Variants in APAF1 observed in about 807,000 individuals in gnomAD.
The protein encoded by APAF1 is apoptotic peptidase activating factor 1, also known as apoptotic protease-activating factor 1.
In APAF1, 91 loss-of-function variants were observed where a neutral mutation model predicts 152.4. The ratio of observed to expected loss-of-function variants is 0.60; its 90% CI spans 0.50 to 0.71. APAF1 has a LOEUF of 0.71. APAF1 is among the 30% of genes least tolerant of loss of function. APAF1 has a pLI of 0.00. For synonymous variants in APAF1, 484 were observed against 494.1 expected, an observed-to-expected ratio of 0.98 and a Z score of 0.27; for missense variants, 1,283 against 1,472.0, an observed-to-expected ratio of 0.87 and a Z score of 2.10.
At chr12:98,675,373 A>T (rs960930384) in intron 12 of APAF1, among the ~76,000 whole-genome samples, 1 of 152,210 alleles carries the variant, frequency 6.6e-6, no homozygotes, top group African/African-American at 2.4e-5. Context: ...AGAACATTTT[A>T]AAATCTAATC....
intron 12 of APAF1, among the ~76,000 whole-genome samples, chr12:98,677,017 A>G (rs948523562): frequency 6.6e-6 from 1 of 152,234 alleles, no homozygotes; most frequent in Non-Finnish European, 1.5e-5. Flanking sequence ...GCATTTTGCT[A>G]TGATTTTTAT....
At chr12:98,699,119 C>G (rs898005158) in intron 16 of APAF1, among the ~76,000 whole-genome samples, 8 of 152,324 alleles carry the variant, frequency 5.3e-5, no homozygotes, top group Non-Finnish European at 1.0e-4. Flanking sequence ...CCACTTGTGT[C>G]CTTACTGTCA....
At chr12:98,662,411 TTAAGA>T (rs2097666692) in intron 5 of APAF1, 40 bp from the exon 6 acceptor site, 1 of 1,399,938 alleles carries the variant, frequency 7.1e-7, no homozygotes, top group East Asian at 2.3e-5. Flanking sequence ...AAAAGGAAGC[TTAAGA>T]TAAGTGTCAT....
chr12:98,703,552 G>T, intron 18 of APAF1, 53 bp downstream of exon 18: 2 of 1,610,320 alleles, frequency 1.2e-6, no homozygotes, highest in South Asian at 2.2e-5. Flanking sequence ...ATCAAAGGAT[G>T]ACAGAGAATG....
intron 19 of APAF1, among the ~76,000 whole-genome samples, chr12:98,707,189 T>C (rs1030315676): frequency 1.2e-4 from 18 of 152,218 alleles, no homozygotes; most frequent in African/African-American, 4.1e-4. Flanking sequence ...CTTCTGTTTC[T>C]GCCATTAAGC....
chr12:98,720,458 G>A (rs2097740846), intron 22 of APAF1, among the ~76,000 whole-genome samples: 1 of 152,172 alleles, frequency 6.6e-6, no homozygotes, highest in Non-Finnish European at 1.5e-5. Context: ...TATCCCCAAA[G>A]CCTGGAATCC....
At chr12:98,689,495 T>TGTGTGTGTGTGTGA (rs142801463) in intron 16 of APAF1, among the ~76,000 whole-genome samples, 2 of 151,106 alleles carry the variant, frequency 1.3e-5, no homozygotes, top group African/African-American at 4.9e-5. Flanking sequence ...TGTGTGTGTG[T>TGTGTGTGTGTGTGA]GAGAGAGAGA....
intron 12 of APAF1, among the ~76,000 whole-genome samples, chr12:98,676,548 T>G (rs942961909): frequency 6.6e-6 from 1 of 152,192 alleles, no homozygotes; most frequent in Non-Finnish European, 1.5e-5. Context: ...ATATAATATC[T>G]ATACTGGTGG....
chr12:98,723,722 T>C lies in APAF1; in HGVS notation c.3288T>C (p.Asp1096=). Residue 1096 remains aspartate (D), a synonymous_variant, in exon 24 of 27, where the codon GAT becomes GAC. Transcript: ENST00000551964. The part of the protein sequence containing the change: ...GTVLSCDISH[D]ATKFSSTSAD... ...TACTTTCTTGTGACATTTCTCACGA[T>C]GCTACCAAGTTTTCATCTACCTCTG... 2 of 1,613,850 alleles carry C rather than the reference T, an allele frequency of 1.2e-6. No homozygotes were observed. The highest frequency in any genetic ancestry group is 1.7e-6 in the Non-Finnish European group (2 of 1,179,884).
chr12:98,660,136 A>G (rs1043438264), intron 5 of APAF1, among the ~76,000 whole-genome samples: 1 of 152,210 alleles, frequency 6.6e-6, no homozygotes, highest in Non-Finnish European at 1.5e-5. Context: ...GCTTGAGTCC[A>G]GGAGTTCGAG....
chr12:98,730,084 C>A (rs1452788442), intron 26 of APAF1, among the ~76,000 whole-genome samples: 1 of 152,142 alleles, frequency 6.6e-6, no homozygotes, highest in Non-Finnish European at 1.5e-5. Flanking sequence ...AAAATATGTA[C>A]AACTTAATTA....
intron 10 of APAF1, 147 bp from the exon 11 acceptor site, chr12:98,670,826 T>C (rs2097679191): frequency 1.7e-6 from 1 of 594,086 alleles, no homozygotes. Flanking sequence ...TCTTTGGAAC[T>C]ATGGATGTGT....
chr12:98,659,106 T>G, intron 4 of APAF1, 54 bp from the exon 5 acceptor site: 2 of 1,531,596 alleles, frequency 1.3e-6, no homozygotes, highest in Non-Finnish European at 1.8e-6. Flanking sequence ...TAAAACCATT[T>G]AAAGGAGTAC....
chr12:98,693,265 T>A (rs1231457566), intron 16 of APAF1, among the ~76,000 whole-genome samples: 4 of 152,118 alleles, frequency 2.6e-5, no homozygotes, highest in Non-Finnish European at 5.9e-5. Flanking sequence ...CTGATTTTTT[T>A]TTTTCTTAAA....
At chr12:98,668,383 GTA>G (rs2097676061) in intron 10 of APAF1, among the ~76,000 whole-genome samples, 1 of 152,144 alleles carries the variant, frequency 6.6e-6, no homozygotes, top group South Asian at 2.1e-4. Flanking sequence ...TAGTGGAAAA[GTA>G]TATTCATTGA....
At position 98,662,508 on chromosome 12, in the gene APAF1, G is replaced by A; in HGVS notation, c.763G>A (p.Asp255Asn). The A allele has an allele frequency of 6.2e-7, 1 of 1,613,610 alleles. No homozygotes were observed. Among genetic ancestry groups the A allele is most frequent in the Non-Finnish European group, 8.5e-7 (1 of 1,179,776 alleles). Residue 255 changes from aspartate to asparagine, a missense_variant, in exon 6 of 27, where the codon GAC becomes AAC. Physicochemically the swap from Asp to Asn is conservative, Grantham distance 23. Transcript: ENST00000551964. ...VWDSWVLKAF[D>N]SQCQILLTTR... ...GGACTCTTGGGTGTTGAAAGCTTTT[G>A]ACAGTCAGTGTCAGATTCTTCTTAC... is the stretch of plus-strand genomic sequence containing the variant.
intron 12 of APAF1, among the ~76,000 whole-genome samples, chr12:98,672,847 T>A (rs898857135): frequency 1.3e-5 from 2 of 151,790 alleles, no homozygotes; most frequent in Non-Finnish European, 2.9e-5. Context: ...CTCCTCCTCC[T>A]GGGTTCAAGC....
At chr12:98,707,935 G>A (rs1333216275) in intron 19 of APAF1, among the ~76,000 whole-genome samples, 2 of 152,090 alleles carry the variant, frequency 1.3e-5, no homozygotes, top group South Asian at 2.1e-4. Context: ...GTTGATTTAC[G>A]TTCTGGTACA....
chr12:98,662,874 C>CTAA, intron 7 of APAF1, 68 bp downstream of exon 7: 1 of 1,480,236 alleles, frequency 6.8e-7, no homozygotes, highest in South Asian at 1.2e-5. Flanking sequence ...GTTAATTGAG[C>CTAA]TAATGAATAT....
Sources: gnomAD v4.1 joint callset for allele counts (sites outside exome capture counted in the v4.1 genomes callset) on GRCh38, gnomAD v4.1.1 for gene constraint, MANE v1.5 for transcripts, NCBI Gene and HGNC (gene_info 2026-07-23, HGNC 2026-07-21) for gene names.